SOD2: variants seen among roughly 807,000 people sequenced by gnomAD.
SOD2 encodes the protein superoxide dismutase [Mn], mitochondrial.
In SOD2, 11 loss-of-function variants were observed where a neutral mutation model predicts 27.0. The observed-to-expected ratio is 0.41, with a 90% CI of 0.26 to 0.67. SOD2 has a LOEUF of 0.67. Ranked by LOEUF, SOD2 falls within the 30% of genes least tolerant of loss-of-function variation. The pLI is 0.34. For missense variants in SOD2, 250 were observed against 274.5 expected (o/e 0.91, Z 0.63); for synonymous variants, 105 against 103.0 (o/e 1.02, Z -0.12).
chr6:159,678,392 T>C lies in SOD2; in HGVS notation c.*4101A>G, dbSNP rs1363905211. The C allele has an allele frequency of 6.6e-6, 1 of 152,108 alleles. No homozygotes were observed. Among genetic ancestry groups the C allele is most frequent in the East Asian group, 1.9e-4 (1 of 5,164 alleles). 9.4% of individuals were successfully genotyped at this position (152,108 alleles called of 1,614,324 possible). ...AAATACAAAAATTAGCTGGGCATGGTGGTGCACACTTGTAATCCCAGCTAC... is the reference window on the plus strand; with the variant it reads ...AAATACAAAAATTAGCTGGGCATGGCGGTGCACACTTGTAATCCCAGCTAC... On this transcript the variant is annotated 3_prime_UTR_variant, in exon 5 of 5. Coordinates refer to ENST00000538183, the MANE Select transcript of SOD2 (RefSeq NM_000636.4).
At chr6:159,718,688 A>G (rs1777970388) in intron 1 of SOD2, among the ~76,000 whole-genome samples, 1 of 152,236 alleles carries the variant, frequency 6.6e-6, no homozygotes, top group Non-Finnish European at 1.5e-5. Context: ...AAAGAAAAGT[A>G]GGCTAGGAAG....
chr6:159,747,445 T>C (rs2114942622), upstream of SOD2, among the ~76,000 whole-genome samples: 1 of 152,326 alleles, frequency 6.6e-6, no homozygotes, highest in South Asian at 2.1e-4. Context: ...TTTCCAGCTT[T>C]ACAATTCTAT....
In SOD2 at chr6:159,677,853, CCTTG is replaced by C. The variant is rs1238290380; in HGVS notation, c.*4636_*4639del. 2 of 152,132 alleles carry C rather than the reference CCTTG, an allele frequency of 1.3e-5. No homozygotes were observed. Among genetic ancestry groups the C allele is most frequent in the Non-Finnish European group, 2.9e-5 (2 of 68,024 alleles). 9.4% of individuals were successfully genotyped at this position (152,132 alleles called of 1,614,324 possible). A position where few individuals can be genotyped will look rare whatever the true frequency, so the allele number is the denominator to read the frequency against. On this transcript the variant is annotated 3_prime_UTR_variant, in exon 5 of 5. Transcript: ENST00000538183. Reference sequence around the variant, plus strand: ...TAAGAAATATATATATTGTCTCAATCCTTGCTTGGTCTCTTGGCTCCTAAACCCC... The same window carrying C: ...TAAGAAATATATATATTGTCTCAATCCTTGGTCTCTTGGCTCCTAAACCCC...
chr6:159,736,269 A>G, intron 1 of SOD2: 1 of 1,603,358 alleles, frequency 6.2e-7, no homozygotes, highest in Non-Finnish European at 8.5e-7. Flanking sequence ...ATTCAAGATG[A>G]CCAACGAAGA....
At chr6:159,711,607 ATAACCACCACTCAGCTGCTCTGACCACC>A (rs1777770342) in intron 1 of SOD2, among the ~76,000 whole-genome samples, 1 of 131,318 alleles carries the variant, frequency 7.6e-6, no homozygotes, top group African/African-American at 2.7e-5. Context: ...AACCACCTCC[ATAACCACCACTCAGCTGCTCTGACCACC>A]ATAACCACCT....
chr6:159,695,661 A>T (rs1251964427), upstream of SOD2, among the ~76,000 whole-genome samples: 1 of 151,876 alleles, frequency 6.6e-6, no homozygotes, highest in Non-Finnish European at 1.5e-5. Flanking sequence ...TGCCTGGCTA[A>T]TTTTTTTTAT....
upstream of SOD2, chr6:159,748,071 C>CA (rs1337624936): frequency 1.6e-6 from 2 of 1,250,198 alleles, no homozygotes; most frequent in African/African-American, 3.0e-5. This position sits in a 1 kb window ranked among gnomAD's most constrained non-coding sequence, Gnocchi z 5.6. Context: ...ATTTCAGGAT[C>CA]AAAGAGGGGA....
In SOD2 at chr6:159,670,924, G is replaced by A. The variant is rs1219893828; in HGVS notation, c.*11569C>T. ...CGTTTTTCCAATGGTCTTAGCAAAC[G>A]GCACACCAGGAGATTATATCCTGTG... is the stretch of plus-strand genomic sequence containing the variant. On this transcript the variant is annotated 3_prime_UTR_variant, in exon 5 of 5. Coordinates refer to ENST00000538183, the MANE Select transcript of SOD2 (RefSeq NM_000636.4). The A allele has an allele frequency of 1.3e-5, 2 of 152,280 alleles. No homozygotes were observed. The highest frequency in any genetic ancestry group is 2.4e-5 in the African/African-American group (1 of 41,460). The allele number at this position is 152,280 out of a possible 1,614,324, so 9.4% of individuals were successfully genotyped here.
At chr6:159,748,513 T>C, upstream of SOD2, 1 of 1,439,316 alleles carries the variant, frequency 6.9e-7, no homozygotes, top group Non-Finnish European at 9.1e-7. The surrounding 1 kb of genome is among the most constrained non-coding windows in gnomAD (Gnocchi z 5.6). Flanking sequence ...ACTGTCCAGC[T>C]TGTAATGGTT....
chr6:159,699,508 C>T (rs1777487935), intron 1 of SOD2, among the ~76,000 whole-genome samples: 1 of 152,042 alleles, frequency 6.6e-6, no homozygotes, highest in African/African-American at 2.4e-5. Flanking sequence ...CTGCAACATC[C>T]TGCCTCCTTT....
At chr6:159,732,847 T>G (rs112804575) in intron 1 of SOD2, among the ~76,000 whole-genome samples, 1,733 of 126,184 alleles carry the variant, frequency 0.014, 28 homozygotes, top group African/African-American at 0.059. Context: ...TCTGTCTGCT[T>G]CTTTCTCTCT....
At chr6:159,747,468 T>A (rs1172074139), upstream of SOD2, among the ~76,000 whole-genome samples, 1 of 151,942 alleles carries the variant, frequency 6.6e-6, no homozygotes, top group Non-Finnish European at 1.5e-5. Flanking sequence ...TTCGGATCTA[T>A]TCAGAAGGGG....
rs1779950883 is a variant in SOD2, at chr6:159,681,254, CG to C, written c.*1238del. On this transcript the variant is annotated 3_prime_UTR_variant, in exon 5 of 5. Transcript: ENST00000538183. ...AAAACTCCAGGCACCCAGCTCGCCC[CG>C]AGAAGGAAACCAGCAAGCTGATAAG... 6.6e-6 allele frequency: 1 copy of C among 152,008 alleles called. No individual in the cohort carries two copies. The highest frequency in any genetic ancestry group is 2.4e-5 in the African/African-American group (1 of 41,372). 9.4% of individuals were successfully genotyped at this position (152,008 alleles called of 1,614,324 possible).
chr6:159,703,541 A>G (rs376176799), intron 1 of SOD2, among the ~76,000 whole-genome samples: 33 of 151,556 alleles, frequency 2.2e-4, no homozygotes, highest in African/African-American at 7.2e-4. Flanking sequence ...AAGTATTAGT[A>G]TTACATCTTA....
chr6:159,748,224 C>G, upstream of SOD2: 1 of 1,613,944 alleles, frequency 6.2e-7, no homozygotes, highest in Non-Finnish European at 8.5e-7. The surrounding 1 kb of genome is among the most constrained non-coding windows in gnomAD (Gnocchi z 5.6). Flanking sequence ...AGTCCAGCAG[C>G]CGAGCGTTGC....
intron 1 of SOD2, among the ~76,000 whole-genome samples, chr6:159,719,066 G>A (rs942666898): frequency 5.9e-5 from 9 of 151,688 alleles, no homozygotes; most frequent in African/African-American, 1.9e-4. Context: ...GAATGTTTGC[G>A]TCCACCCAAA....
At chr6:159,683,422 T>C (rs1358274880) in intron 4 of SOD2, among the ~76,000 whole-genome samples, 1 of 152,050 alleles carries the variant, frequency 6.6e-6, no homozygotes, top group African/African-American at 2.4e-5. Context: ...GAGGCGGAAG[T>C]TGTAGTGAGC....
chr6:159,688,880 C>A (rs927192798), intron 2 of SOD2, among the ~76,000 whole-genome samples: 1 of 152,142 alleles, frequency 6.6e-6, no homozygotes, highest in Admixed American at 6.6e-5. Context: ...TATAAAAGCA[C>A]ACAGAGAAAA....
chr6:159,750,318 T>C (rs1486169826), intron 1 of SOD2, among the ~76,000 whole-genome samples: 1 of 152,252 alleles, frequency 6.6e-6, no homozygotes, highest in Non-Finnish European at 1.5e-5. Flanking sequence ...GGCATCTTTC[T>C]TTGACACTTA....
Sources: allele counts gnomAD v4.1 joint callset (sites outside exome capture counted in the v4.1 genomes callset), GRCh38; gene constraint gnomAD v4.1.1; non-coding constraint Gnocchi (gnomAD v3.1); transcripts MANE v1.5; gene names NCBI Gene and HGNC (gene_info 2026-07-23, HGNC 2026-07-21).